Variants in EYS observed in about 807,000 individuals in gnomAD.
EYS encodes the protein EGF-like photoreceptor maintenance factor.
In EYS, 250 loss-of-function variants were observed where a neutral mutation model predicts 282.1. The observed-to-expected ratio is 0.89, with a 90% confidence interval of 0.80 to 0.98. The LOEUF (loss-of-function observed/expected upper bound fraction) is 0.98, where lower values mean the gene tolerates loss of function less well. Ranked by LOEUF, EYS falls within the 50% of genes least tolerant of loss-of-function variation. The pLI, the probability that EYS is intolerant of heterozygous loss-of-function variation, is 0.00. For synonymous variants in EYS, 1,355 were observed against 1,282.9 expected (o/e 1.06, Z -1.20); for missense variants, 4,016 against 3,709.0 (o/e 1.08, Z -2.15).
chr6:65,260,797 C>T (rs1767600021), intron 12 of EYS, among the ~76,000 whole-genome samples: 2 of 151,684 alleles, frequency 1.3e-5, no homozygotes, highest in Admixed American at 6.6e-5. Flanking sequence ...AACACGAGGA[C>T]AAAAATAATA....
chr6:64,680,566 G>A (rs1325464620), intron 22 of EYS, among the ~76,000 whole-genome samples: 4 of 152,108 alleles, frequency 2.6e-5, no homozygotes, highest in African/African-American at 4.8e-5. Context: ...AAATGGAAAG[G>A]CCACCAGCAT....
At chr6:64,756,449 T>C (rs561917178) in intron 22 of EYS, among the ~76,000 whole-genome samples, 1 of 152,300 alleles carries the variant, frequency 6.6e-6, no homozygotes, top group African/African-American at 2.4e-5. Context: ...ATTCAAGCCA[T>C]AATGCCTTAT....
chr6:65,254,649 A>G (rs911315236), intron 12 of EYS, among the ~76,000 whole-genome samples: 6 of 151,862 alleles, frequency 4.0e-5, no homozygotes, highest in Non-Finnish European at 8.8e-5. Flanking sequence ...ATAGATTTTC[A>G]TATTCTAAGG....
intron 35 of EYS, among the ~76,000 whole-genome samples, chr6:63,894,622 C>T (rs1773489269): frequency 6.6e-6 from 1 of 151,724 alleles, no homozygotes; most frequent in Admixed American, 6.6e-5. Context: ...CACTCTGTCG[C>T]CCAGGCTGGA....
intron 15 of EYS, among the ~76,000 whole-genome samples, chr6:64,930,770 G>A (rs1768692850): frequency 6.6e-6 from 1 of 152,100 alleles, no homozygotes; most frequent in Admixed American, 6.6e-5. Flanking sequence ...CAGCTTTGTA[G>A]TGTCCATAAG....
In EYS at chr6:65,478,848, C is replaced by T. The variant is rs12174116; in HGVS notation, c.862+11746G>A. Among the ~76,000 whole-genome samples the T allele has an allele frequency of 4.6e-5, 7 of 152,142 alleles. No homozygotes were observed. In the East Asian group the frequency reaches 1.2e-3, roughly 25 times the overall value. On this transcript the variant is annotated intron_variant, in intron 5 of 42. Coordinates refer to ENST00000503581, the MANE Select transcript of EYS (RefSeq NM_001142800.2). ...ATTTGCTATTCTGTGTTGGTGGTGT[C>T]GCTTTTTTCAGATGAACTCTCTCAC... is the stretch of plus-strand genomic sequence containing the variant.
chr6:64,346,959 C>G (rs1434591381), intron 29 of EYS, among the ~76,000 whole-genome samples: 1 of 151,324 alleles, frequency 6.6e-6, no homozygotes, highest in Admixed American at 6.6e-5. Flanking sequence ...GCTTTGACTA[C>G]TAAAAATGCT....
chr6:65,587,556 C>T (rs886066938), intron 2 of EYS, among the ~76,000 whole-genome samples: 1 of 152,046 alleles, frequency 6.6e-6, no homozygotes, highest in African/African-American at 2.4e-5. Flanking sequence ...TTTCCTGGGG[C>T]CTCTTCAGCC....
At chr6:64,838,771 T>C (rs1340160298) in intron 19 of EYS, among the ~76,000 whole-genome samples, 1 of 151,934 alleles carries the variant, frequency 6.6e-6, no homozygotes, top group Non-Finnish European at 1.5e-5. Flanking sequence ...TCCTGTGGAG[T>C]TGTAGAACTG....
chr6:64,743,139 C>G (rs1031049418), intron 22 of EYS, among the ~76,000 whole-genome samples: 1 of 151,958 alleles, frequency 6.6e-6, no homozygotes, highest in African/African-American at 2.4e-5. Context: ...ACAAAATGAA[C>G]AAATGTGATA....
chr6:65,515,017 G>T (rs1412536796), intron 2 of EYS, among the ~76,000 whole-genome samples: 1 of 152,158 alleles, frequency 6.6e-6, no homozygotes, highest in Non-Finnish European at 1.5e-5. Flanking sequence ...TACAAAATGG[G>T]AGAATATTTT....
intron 31 of EYS, among the ~76,000 whole-genome samples, chr6:64,092,289 A>G (rs374177645): frequency 2.0e-5 from 3 of 152,230 alleles, no homozygotes; most frequent in South Asian, 4.1e-4. Context: ...GGTGGGTCAA[A>G]TGGTAATTCT....
chr6:64,984,577 C>A (rs1770788460), intron 14 of EYS, among the ~76,000 whole-genome samples: 1 of 151,074 alleles, frequency 6.6e-6, no homozygotes, highest in Non-Finnish European at 1.5e-5. Flanking sequence ...TTTTCGTGTA[C>A]AAGAAAAACA....
At chr6:64,398,834 G>A (rs1423589501) in intron 28 of EYS, among the ~76,000 whole-genome samples, 1 of 151,734 alleles carries the variant, frequency 6.6e-6, no homozygotes, top group Non-Finnish European at 1.5e-5. Context: ...TATTCCCTAT[G>A]TTAAGACTAT....
At chr6:65,407,755 G>A (rs1248334825) in intron 5 of EYS, among the ~76,000 whole-genome samples, 1 of 96,682 alleles carries the variant, frequency 1.0e-5, no homozygotes, top group Non-Finnish European at 2.8e-5. Context: ...GTGTGTGTGT[G>A]TGTGTGTGTG....
chr6:65,238,488 A>T (rs1359898784), intron 12 of EYS, among the ~76,000 whole-genome samples: 4 of 151,956 alleles, frequency 2.6e-5, no homozygotes, highest in Admixed American at 1.3e-4. Flanking sequence ...TACCCAAATT[A>T]TTAGACCTCT....
intron 5 of EYS, among the ~76,000 whole-genome samples, chr6:65,467,315 G>A (rs759893738): frequency 6.6e-6 from 1 of 152,014 alleles, no homozygotes; most frequent in African/African-American, 2.4e-5. Flanking sequence ...GGATTATCTA[G>A]CAAGTAAATG....
intron 19 of EYS, among the ~76,000 whole-genome samples, chr6:64,875,072 T>C (rs1371463727): frequency 6.6e-6 from 1 of 152,084 alleles, no homozygotes; most frequent in Non-Finnish European, 1.5e-5. Flanking sequence ...TATCAAGGCC[T>C]GCTTTCTAGA....
chr6:64,635,258 G>A (rs751493523), intron 22 of EYS, among the ~76,000 whole-genome samples: 5 of 152,132 alleles, frequency 3.3e-5, no homozygotes, highest in Non-Finnish European at 5.9e-5. Context: ...ACACAATCAT[G>A]TCATCTGCAA....
Sources: gnomAD v4.1 joint callset for allele counts (sites outside exome capture counted in the v4.1 genomes callset) on GRCh38, gnomAD v4.1.1 for gene constraint, MANE v1.5 for transcripts, NCBI Gene and HGNC (gene_info 2026-07-23, HGNC 2026-07-21) for gene names.